The following CNTNAP2 variants were observed in gnomAD, a reference collection of about 807,000 sequenced individuals.
CNTNAP2 encodes contactin associated protein 2, also known as contactin-associated protein-like 2.
In CNTNAP2, 98 loss-of-function variants were observed where a neutral mutation model predicts 155.2. The ratio of observed to expected loss-of-function variants is 0.63; its 90% CI spans 0.54 to 0.75. CNTNAP2 has a LOEUF of 0.75. Ranked by LOEUF, CNTNAP2 falls within the 30% of genes least tolerant of loss-of-function variation. CNTNAP2 has a pLI of 0.00. For synonymous variants in CNTNAP2, 651 were observed against 631.2 expected (o/e 1.03, Z -0.47); for missense variants, 1,727 against 1,688.1 (o/e 1.02, Z -0.40).
intron 8 of CNTNAP2, among the ~76,000 whole-genome samples, chr7:147,241,881 T>A (rs183999285): frequency 6.6e-6 from 1 of 152,276 alleles, no homozygotes; most frequent in East Asian, 1.9e-4. Flanking sequence ...CAATTCAAAT[T>A]TGACTTGGTG....
At chr7:146,967,072 T>C (rs1563024112) in intron 3 of CNTNAP2, among the ~76,000 whole-genome samples, 1 of 152,190 alleles carries the variant, frequency 6.6e-6, no homozygotes, top group South Asian at 2.1e-4. Context: ...AGAAGATCAA[T>C]GTTTAGTGAT....
intron 1 of CNTNAP2, among the ~76,000 whole-genome samples, chr7:146,385,153 T>C (rs1314413017): frequency 6.6e-6 from 1 of 152,168 alleles, no homozygotes; most frequent in Non-Finnish European, 1.5e-5. Context: ...CATTTTTTTT[T>C]CTACCACTAG....
chr7:148,224,354 A>T (rs971050270), intron 19 of CNTNAP2, among the ~76,000 whole-genome samples: 2 of 152,216 alleles, frequency 1.3e-5, no homozygotes, highest in Non-Finnish European at 2.9e-5. Context: ...TGAGGGGTGG[A>T]GAGAGAAGCA....
At chr7:147,663,728 A>G (rs1464083728) in intron 13 of CNTNAP2, among the ~76,000 whole-genome samples, 1 of 152,206 alleles carries the variant, frequency 6.6e-6, no homozygotes, top group African/African-American at 2.4e-5. Flanking sequence ...AAATGAATGA[A>G]TTTTTATTGT....
At chr7:147,263,162 T>C (rs1804530231) in intron 8 of CNTNAP2, among the ~76,000 whole-genome samples, 1 of 151,952 alleles carries the variant, frequency 6.6e-6, no homozygotes, top group Non-Finnish European at 1.5e-5. Flanking sequence ...GCCTGGGCAA[T>C]ATGGCAAAAC....
chr7:147,715,217 A>G (rs1796464847), intron 13 of CNTNAP2, among the ~76,000 whole-genome samples: 1 of 152,138 alleles, frequency 6.6e-6, no homozygotes, highest in South Asian at 2.1e-4. Context: ...TGGATCACAT[A>G]GTAAGTCCAT....
At chr7:147,964,651 T>C (rs1030970810) in intron 14 of CNTNAP2, among the ~76,000 whole-genome samples, 1 of 152,190 alleles carries the variant, frequency 6.6e-6, no homozygotes. Context: ...GCCCAATAGG[T>C]GTAGGCTCCT....
chr7:148,094,334 A>G (rs554219812), intron 15 of CNTNAP2, among the ~76,000 whole-genome samples: 1 of 152,360 alleles, frequency 6.6e-6, no homozygotes, highest in African/African-American at 2.4e-5. Context: ...TATTAGCTGT[A>G]ATATTTTATC....
chr7:147,569,348 C>T (rs1800238122), intron 12 of CNTNAP2, among the ~76,000 whole-genome samples: 1 of 151,446 alleles, frequency 6.6e-6, no homozygotes, highest in Admixed American at 6.6e-5. Context: ...ATCATAAACC[C>T]ACCCACCTCC....
chr7:147,999,028 T>C (rs1801854539), intron 15 of CNTNAP2, among the ~76,000 whole-genome samples: 1 of 152,232 alleles, frequency 6.6e-6, no homozygotes. Context: ...AGGTTCCACA[T>C]CCAACAACGC....
At chr7:146,963,708 C>T (rs563738488) in intron 3 of CNTNAP2, among the ~76,000 whole-genome samples, 17 of 151,994 alleles carry the variant, frequency 1.1e-4, no homozygotes, top group African/African-American at 4.1e-4. Flanking sequence ...GTTGAAAAAT[C>T]GATTTGGTGT....
At chr7:147,956,833 G>A (rs566918784) in intron 14 of CNTNAP2, among the ~76,000 whole-genome samples, 1 of 152,248 alleles carries the variant, frequency 6.6e-6, no homozygotes, top group South Asian at 2.1e-4. Context: ...ATCCTGAGGT[G>A]TGGAGGGAAA....
chr7:148,379,508 A>T (rs999351488), intron 21 of CNTNAP2, among the ~76,000 whole-genome samples: 1 of 152,034 alleles, frequency 6.6e-6, no homozygotes, highest in Non-Finnish European at 1.5e-5. Flanking sequence ...GTTTGGGACC[A>T]ACCTGGGTAA....
chr7:146,763,242 G>T (rs565700918), intron 1 of CNTNAP2, among the ~76,000 whole-genome samples: 8 of 152,102 alleles, frequency 5.3e-5, no homozygotes, highest in African/African-American at 1.9e-4. Flanking sequence ...TTTTGACTGG[G>T]GTTTGTTGTG....
intron 1 of CNTNAP2, among the ~76,000 whole-genome samples, chr7:146,446,343 A>G (rs1796401936): frequency 1.3e-5 from 2 of 152,062 alleles, no homozygotes; most frequent in African/African-American, 4.8e-5. Context: ...TTAATATCCC[A>G]CTCAGCTCCA....
intron 1 of CNTNAP2, among the ~76,000 whole-genome samples, chr7:146,657,134 C>G (rs778646900): frequency 4.6e-5 from 7 of 152,150 alleles, no homozygotes; most frequent in South Asian, 2.1e-4. Flanking sequence ...ATCCTCACAG[C>G]CTCACATATT....
At chr7:147,864,046 T>C (rs1799182303) in intron 13 of CNTNAP2, among the ~76,000 whole-genome samples, 1 of 151,950 alleles carries the variant, frequency 6.6e-6, no homozygotes, top group Admixed American at 6.6e-5. Flanking sequence ...TCTTCTGGGG[T>C]TTTTATGGTT....
intron 9 of CNTNAP2, among the ~76,000 whole-genome samples, chr7:147,361,727 G>T (rs966996865): frequency 2.6e-5 from 4 of 151,806 alleles, no homozygotes; most frequent in African/African-American, 9.7e-5. Context: ...TTTTTTAACT[G>T]CCACATCTTG....
At chr7:147,074,225 T>C (rs1799952941) in intron 4 of CNTNAP2, among the ~76,000 whole-genome samples, 1 of 152,202 alleles carries the variant, frequency 6.6e-6, no homozygotes, top group South Asian at 2.1e-4. Flanking sequence ...CTCCATCTGC[T>C]CTTCCATTTA....
Sources: allele counts gnomAD v4.1 joint callset (sites outside exome capture counted in the v4.1 genomes callset), GRCh38; gene constraint gnomAD v4.1.1; transcripts MANE v1.5; gene names NCBI Gene and HGNC (gene_info 2026-07-23, HGNC 2026-07-21).